The following ARID5B variants were observed in gnomAD, a reference collection of about 807,000 sequenced individuals.
ARID5B encodes the protein AT-rich interactive domain-containing protein 5B.
In ARID5B, 13 loss-of-function variants were observed where a neutral mutation model predicts 97.2. That is an observed-to-expected ratio of 0.13 (90% CI 0.09 to 0.21). The LOEUF is 0.21. ARID5B is among the 10% of genes least tolerant of loss of function. The probability of loss-of-function intolerance (pLI) is 1.00; values close to 1 mark genes in which losing one functional copy is unlikely to be tolerated. For missense variants in ARID5B, 1,210 were observed against 1,465.3 expected (o/e 0.83, Z 2.84); for synonymous variants, 556 against 570.3 (o/e 0.97, Z 0.36).
At chr10:61,935,562 G>A (rs951915803) in intron 2 of ARID5B, among the ~76,000 whole-genome samples, 5 of 152,070 alleles carry the variant, frequency 3.3e-5, no homozygotes, top group Non-Finnish European at 7.4e-5. Flanking sequence ...GGAGCTGGTG[G>A]GGAGTGGAGG....
chr10:62,012,377 A>G (rs975625798), intron 4 of ARID5B, among the ~76,000 whole-genome samples: 3 of 152,260 alleles, frequency 2.0e-5, no homozygotes, highest in Non-Finnish European at 2.9e-5. Context: ...AACAAAAATT[A>G]GCCAAGAGTG....
rs1464988895 is a variant in ARID5B at position 62,092,180 on chromosome 10, C to G, written c.2717C>G (p.Thr906Arg). Reference protein sequence around the residue: ...AAEAPTDDQPTDLSLPKNPHK... With the variant: ...AAEAPTDDQPRDLSLPKNPHK... ...GAAGCCCCTACGGATGATCAGCCTACAGATCTGAGCCTTCCCAAGAACCCG... is the reference window on the plus strand; with the variant it reads ...GAAGCCCCTACGGATGATCAGCCTAGAGATCTGAGCCTTCCCAAGAACCCG... The change falls in exon 10 of 10, where the codon ACA (threonine) becomes AGA (arginine). Residue 906 changes from threonine to arginine, a missense_variant. This residue lies in a region of ARID5B where 800 missense variants were observed against 839.1 expected (regional missense o/e 0.95). Transcript: ENST00000279873. 6.2e-7 allele frequency: 1 copy of G among 1,609,206 alleles called. No homozygotes were observed. Among genetic ancestry groups the G allele is most frequent in the Non-Finnish European group, 8.5e-7 (1 of 1,178,102 alleles).
intron 3 of ARID5B, among the ~76,000 whole-genome samples, chr10:61,998,197 C>A (rs1839027794): frequency 6.6e-6 from 1 of 152,216 alleles, no homozygotes. Context: ...GGCCTCCTAT[C>A]TGAAAAGGTC....
At chr10:62,080,058 G>A (rs1215889427) in intron 8 of ARID5B, among the ~76,000 whole-genome samples, 1 of 152,154 alleles carries the variant, frequency 6.6e-6, no homozygotes, top group East Asian at 1.9e-4. Context: ...CACAGACTCT[G>A]TGTTGCACTC....
At chr10:61,988,934 T>C (rs1397047004) in intron 3 of ARID5B, among the ~76,000 whole-genome samples, 3 of 85,478 alleles carry the variant, frequency 3.5e-5, no homozygotes, top group African/African-American at 1.3e-4. Flanking sequence ...TTTTTTCTTT[T>C]ACTTTTTTTT....
At chr10:61,906,074 C>A (rs1026941232) in intron 2 of ARID5B, among the ~76,000 whole-genome samples, 1 of 152,076 alleles carries the variant, frequency 6.6e-6, no homozygotes, top group African/African-American at 2.4e-5. Flanking sequence ...AAAATGGGAA[C>A]AAAGTAGGGA....
chr10:62,077,027 T>G (rs1419203873), intron 8 of ARID5B, among the ~76,000 whole-genome samples: 1 of 152,190 alleles, frequency 6.6e-6, no homozygotes, highest in Non-Finnish European at 1.5e-5. Context: ...TGAAAACAAG[T>G]TGCCCAGAGT....
chr10:61,913,392 A>G (rs1843842677), intron 2 of ARID5B, among the ~76,000 whole-genome samples: 2 of 152,250 alleles, frequency 1.3e-5, no homozygotes, highest in South Asian at 4.1e-4. Context: ...GTAGACTCAC[A>G]AGATAACAGA....
At chr10:62,013,240 C>G (rs1191335065) in intron 4 of ARID5B, among the ~76,000 whole-genome samples, 1 of 152,116 alleles carries the variant, frequency 6.6e-6, no homozygotes, top group Non-Finnish European at 1.5e-5. Context: ...TCCTGAAGCA[C>G]TTACTAAAAA....
At chr10:61,930,577 G>A (rs182405374) in intron 2 of ARID5B, among the ~76,000 whole-genome samples, 3,149 of 151,746 alleles carry the variant, frequency 0.021, 89 homozygotes, top group African/African-American at 0.067. Flanking sequence ...AAAATTAGCC[G>A]GGTGTGATGG....
At chr10:61,923,455 T>G (rs1844051864) in intron 2 of ARID5B, among the ~76,000 whole-genome samples, 1 of 152,048 alleles carries the variant, frequency 6.6e-6, no homozygotes, top group Non-Finnish European at 1.5e-5. Context: ...GGAGTAGGGG[T>G]TTTGTCTGTT....
At chr10:62,022,147 G>A (rs915544291) in intron 4 of ARID5B, among the ~76,000 whole-genome samples, 7 of 152,096 alleles carry the variant, frequency 4.6e-5, no homozygotes, top group Non-Finnish European at 1.0e-4. Flanking sequence ...AGTCCAGTGG[G>A]CTGGACTGGA....
At chr10:62,060,436 A>G (rs1391238815) in intron 7 of ARID5B, among the ~76,000 whole-genome samples, 1 of 152,258 alleles carries the variant, frequency 6.6e-6, no homozygotes, top group Non-Finnish European at 1.5e-5. Context: ...ACACATGTTT[A>G]TAAAGAAATA....
intron 2 of ARID5B, among the ~76,000 whole-genome samples, chr10:61,926,989 A>G (rs566496809): frequency 6.6e-6 from 1 of 151,842 alleles, no homozygotes; most frequent in South Asian, 2.1e-4. Flanking sequence ...AATGGCAAAA[A>G]CCACAATGAC....
chr10:62,044,552 C>T (rs1839682058), intron 4 of ARID5B, among the ~76,000 whole-genome samples: 1 of 151,846 alleles, frequency 6.6e-6, no homozygotes, highest in Non-Finnish European at 1.5e-5. Context: ...AACTAATTTT[C>T]GTAGAAACAG....
chr10:62,057,404 T>C (rs1015734202), intron 6 of ARID5B, 86 bp downstream of exon 6: 9 of 1,338,156 alleles, frequency 6.7e-6, no homozygotes, highest in African/African-American at 1.5e-5. Context: ...CAGGATTATG[T>C]TGAAATCCTA....
chr10:62,092,907 A>G lies in ARID5B; in HGVS notation c.3444A>G (p.Thr1148=). The G allele has an allele frequency of 6.2e-7, 1 of 1,614,144 alleles. No individual in the cohort carries two copies. Among genetic ancestry groups the G allele is most frequent in the Non-Finnish European group, 8.5e-7 (1 of 1,180,020 alleles). Residue 1148 remains threonine (T), a synonymous_variant, in exon 10 of 10, where the codon ACA becomes ACG. Coordinates refer to ENST00000279873, the MANE Select transcript of ARID5B (RefSeq NM_032199.3). ...QQLYRHLAAA[T]PVGSSYGDLL... Reference sequence around the variant, plus strand: ...TGTACAGACACTTGGCTGCGGCTACACCTGTAGGAAGTTCATATGGGGACC... The same window carrying G: ...TGTACAGACACTTGGCTGCGGCTACGCCTGTAGGAAGTTCATATGGGGACC...
At chr10:62,060,924 T>C (rs1258580039) in intron 7 of ARID5B, among the ~76,000 whole-genome samples, 1 of 152,224 alleles carries the variant, frequency 6.6e-6, no homozygotes, top group East Asian at 1.9e-4. Flanking sequence ...AGATTTTTTT[T>C]CCATGCAACA....
At chr10:61,963,073 A>C (rs1361471825) in intron 3 of ARID5B, among the ~76,000 whole-genome samples, 1 of 152,202 alleles carries the variant, frequency 6.6e-6, no homozygotes, top group African/African-American at 2.4e-5. Context: ...AACTCAACTA[A>C]TGTAAATTAG....
Sources: gnomAD v4.1 joint callset for allele counts (sites outside exome capture counted in the v4.1 genomes callset) on GRCh38, gnomAD v4.1.1 for gene constraint, gnomAD v4.1.1 regional missense constraint, MANE v1.5 for transcripts, NCBI Gene and HGNC (gene_info 2026-07-23, HGNC 2026-07-21) for gene names.